SHISA9: variants seen among roughly 807,000 people sequenced by gnomAD.
SHISA9 encodes protein shisa-9.
A neutral mutation model predicts 38.0 loss-of-function variants in SHISA9; 13 were observed. The observed-to-expected ratio is 0.34, with a 90% confidence interval of 0.22 to 0.54. SHISA9 has a LOEUF of 0.54. SHISA9 is among the 20% of genes least tolerant of loss of function. The pLI is 0.91. For synonymous variants in SHISA9, 275 were observed against 242.0 expected, an observed-to-expected ratio of 1.14 and a Z score of -1.27; for missense variants, 538 against 575.8, an observed-to-expected ratio of 0.93 and a Z score of 0.67.
At chr16:13,477,832 G>A in the SHISA9 span, among the ~76,000 whole-genome samples, 2 of 152,182 alleles carry the variant, frequency 1.3e-5, no homozygotes, top group African/African-American at 4.8e-5. Flanking sequence ...AGGCATGGTG[G>A]TGTGCACCTA....
intron 2 of SHISA9, among the ~76,000 whole-genome samples, chr16:12,986,775 GAGA>G (rs1226321622): frequency 2.6e-5 from 4 of 152,180 alleles, no homozygotes; most frequent in Non-Finnish European, 5.9e-5. Flanking sequence ...TTCTACGAAG[GAGA>G]AGAAGTACAA....
chr16:13,476,098 G>GT, the SHISA9 span, among the ~76,000 whole-genome samples: 6 of 151,944 alleles, frequency 3.9e-5, no homozygotes, highest in African/African-American at 1.5e-4. Context: ...TTGACAGTTT[G>GT]TTTTTTTTCC....
intron 2 of SHISA9, among the ~76,000 whole-genome samples, chr16:12,999,339 C>T (rs115690106): frequency 2.6e-4 from 40 of 152,298 alleles, no homozygotes; most frequent in African/African-American, 9.1e-4. Flanking sequence ...GGCAGAGGGA[C>T]ACCTTGTTTT....
At chr16:12,948,666 T>C (rs928584485) in intron 2 of SHISA9, among the ~76,000 whole-genome samples, 2 of 152,176 alleles carry the variant, frequency 1.3e-5, no homozygotes, top group Admixed American at 1.3e-4. Flanking sequence ...ATCTGTCTCA[T>C]ACAGGCATTA....
the SHISA9 span, among the ~76,000 whole-genome samples, chr16:13,518,258 C>T: frequency 1.3e-5 from 2 of 152,044 alleles, no homozygotes; most frequent in South Asian, 2.1e-4. Flanking sequence ...CAAATGCTCT[C>T]GGTGGTTCAG....
chr16:13,250,056 C>A, the SHISA9 span, among the ~76,000 whole-genome samples: 1 of 152,166 alleles, frequency 6.6e-6, no homozygotes, highest in African/African-American at 2.4e-5. Flanking sequence ...TTCTATCTTG[C>A]ATTCTCTGAC....
chr16:12,957,686 G>A (rs139714759), intron 2 of SHISA9, among the ~76,000 whole-genome samples: 4 of 152,180 alleles, frequency 2.6e-5, no homozygotes, highest in Non-Finnish European at 5.9e-5. Flanking sequence ...TCTATGACAG[G>A]CTTCTATAAC....
intron 2 of SHISA9, among the ~76,000 whole-genome samples, chr16:13,067,799 C>T (rs2073452007): frequency 6.6e-6 from 1 of 152,242 alleles, no homozygotes; most frequent in African/African-American, 2.4e-5. Context: ...CCCAGCTTTG[C>T]AGTAGGCCTT....
chr16:13,158,238 C>T (rs2050564540), intron 2 of SHISA9, among the ~76,000 whole-genome samples: 1 of 152,190 alleles, frequency 6.6e-6, no homozygotes, highest in Non-Finnish European at 1.5e-5. Context: ...ACATTCAGAT[C>T]CCAGCTTTGC....
At chr16:13,475,569 C>A in the SHISA9 span, among the ~76,000 whole-genome samples, 1 of 152,082 alleles carries the variant, frequency 6.6e-6, no homozygotes, top group Non-Finnish European at 1.5e-5. Flanking sequence ...TAGTCCCCAA[C>A]CTTTTATGGC....
chr16:13,045,684 T>C (rs1316006815), intron 2 of SHISA9, among the ~76,000 whole-genome samples: 1 of 151,956 alleles, frequency 6.6e-6, no homozygotes, highest in African/African-American at 2.4e-5. Context: ...CAGACCCAGA[T>C]AAGTCCTGCA....
chr16:13,325,500 G>A, the SHISA9 span, among the ~76,000 whole-genome samples: 2 of 152,224 alleles, frequency 1.3e-5, no homozygotes, highest in African/African-American at 4.8e-5. Context: ...AGTTGGTCGA[G>A]GGCCTTAGAA....
chr16:12,938,644 C>A (rs1403221589), intron 2 of SHISA9, among the ~76,000 whole-genome samples: 1 of 152,026 alleles, frequency 6.6e-6, no homozygotes, highest in African/African-American at 2.4e-5. Flanking sequence ...ATTACCGGCA[C>A]CTGCCACCAC....
At chr16:13,229,121 C>T (rs1371761294) in intron 4 of SHISA9, among the ~76,000 whole-genome samples, 1 of 152,216 alleles carries the variant, frequency 6.6e-6, no homozygotes, top group African/African-American at 2.4e-5. Flanking sequence ...GACTGTGCCA[C>T]CGCACTCCAG....
At chr16:13,471,493 G>A in the SHISA9 span, among the ~76,000 whole-genome samples, 1 of 152,190 alleles carries the variant, frequency 6.6e-6, no homozygotes, top group East Asian at 1.9e-4. Context: ...TAGATTAAGA[G>A]GAGATGAGTG....
chr16:13,370,198 C>T, the SHISA9 span, among the ~76,000 whole-genome samples: 1 of 152,202 alleles, frequency 6.6e-6, no homozygotes, highest in Non-Finnish European at 1.5e-5. Flanking sequence ...CGCCTCCTGG[C>T]TTGGTAACGA....
chr16:12,953,518 T>A (rs2141779434), intron 2 of SHISA9, among the ~76,000 whole-genome samples: 1 of 152,338 alleles, frequency 6.6e-6, no homozygotes, highest in East Asian at 1.9e-4. Flanking sequence ...ATTGATTGAT[T>A]GAATATTTGA....
At chr16:13,308,882 A>T in the SHISA9 span, among the ~76,000 whole-genome samples, 1 of 152,248 alleles carries the variant, frequency 6.6e-6, no homozygotes, top group Admixed American at 6.5e-5. Flanking sequence ...GAGCCTCCAT[A>T]AAGAAATGAT....
At position 13,204,222 on chromosome 16, in the gene SHISA9, A is replaced by G. The variant is rs539257116; in HGVS notation, c.847+673A>G. 3.3e-3 allele frequency among the ~76,000 whole-genome samples: 489 copies of G among 150,004 alleles called. 17 individuals carry two copies. Among genetic ancestry groups the G allele is most frequent in the Admixed American group, 0.027 (408 of 14,972 alleles). On this transcript the variant is annotated intron_variant, in intron 3 of 4. Transcript: ENST00000558583. ...TATCTGTCTGTCTGTCTATCTATCT[A>G]TCTATCTATCTATCTATCTATCTAT... is the stretch of plus-strand genomic sequence containing the variant.
Sources: gnomAD v4.1 joint callset for allele counts (sites outside exome capture counted in the v4.1 genomes callset) on GRCh38, gnomAD v4.1.1 for gene constraint, MANE v1.5 for transcripts, NCBI Gene and HGNC (gene_info 2026-07-23, HGNC 2026-07-21) for gene names.